Variants in GRB10 observed in about 807,000 individuals in gnomAD.
GRB10 encodes the protein growth factor receptor-bound protein 10.
A neutral mutation model predicts 80.9 loss-of-function variants in GRB10; 20 were observed. The ratio of observed to expected loss-of-function variants is 0.25; its 90% CI spans 0.17 to 0.36. The LOEUF (loss-of-function observed/expected upper bound fraction) is 0.36, where lower values mean the gene tolerates loss of function less well. GRB10 is among the 10% of genes least tolerant of loss of function. The pLI is 1.00. For missense variants in GRB10, 548 were observed against 747.7 expected, an observed-to-expected ratio of 0.73 and a Z score of 3.12; for synonymous variants, 291 against 291.5, an observed-to-expected ratio of 1.00 and a Z score of 0.02.
intron 3 of GRB10, among the ~76,000 whole-genome samples, chr7:50,749,130 G>GTTTTTTTTTTT (rs71018483): frequency 1.4e-5 from 2 of 139,542 alleles, no homozygotes; most frequent in South Asian, 2.2e-4. Context: ...TTGTTTTTTT[G>GTTTTTTTTTTT]TTTGTTTTTT....
At chr7:50,685,185 G>C (rs919003810) in intron 5 of GRB10, among the ~76,000 whole-genome samples, 1 of 152,144 alleles carries the variant, frequency 6.6e-6, no homozygotes, top group Admixed American at 6.5e-5. Flanking sequence ...AATATTTGCT[G>C]AACACTAACT....
chr7:50,710,225 A>G (rs2065682820), intron 4 of GRB10, among the ~76,000 whole-genome samples: 1 of 151,986 alleles, frequency 6.6e-6, no homozygotes, highest in Non-Finnish European at 1.5e-5. Flanking sequence ...TCCTTGACTC[A>G]TCCTCACAAC....
intron 4 of GRB10, among the ~76,000 whole-genome samples, chr7:50,722,987 C>A (rs962452160): frequency 5.3e-5 from 8 of 152,132 alleles, no homozygotes; most frequent in African/African-American, 1.9e-4. Flanking sequence ...TATAAGTACC[C>A]TGCAAATGCC....
At position 50,604,298 on chromosome 7, in the gene GRB10, G is replaced by A. The variant is rs1437443739; in HGVS notation, c.1456+13C>T. ...TTTATGTACAAAAACATCAGGCAAT[G>A]TGCCCTGTTTACCTGTACTTAGGGT... On this transcript the variant is annotated intron_variant, in intron 16 of 18. Coordinates refer to ENST00000401949, the MANE Select transcript of GRB10 (RefSeq NM_001350814.2). The A allele has an allele frequency of 1.9e-6, 3 of 1,600,810 alleles. No homozygotes were observed. The Admixed American group carries it at 5.0e-5, about 27-fold the overall frequency.
intron 8 of GRB10, among the ~76,000 whole-genome samples, chr7:50,626,161 GT>G (rs1440130738): frequency 6.6e-6 from 1 of 152,064 alleles, no homozygotes; most frequent in Non-Finnish European, 1.5e-5. Flanking sequence ...ACCTCAATAC[GT>G]TCTGTAAAGA....
chr7:50,626,694 AC>A (rs1183030223), intron 8 of GRB10, 127 bp downstream of exon 8: 3 of 1,020,100 alleles, frequency 2.9e-6, no homozygotes, highest in Non-Finnish European at 4.6e-6. Flanking sequence ...GTCGAGGGGA[AC>A]CCAGAGACTG....
intron 5 of GRB10, among the ~76,000 whole-genome samples, chr7:50,690,868 G>A (rs2062738645): frequency 6.6e-6 from 1 of 152,186 alleles, no homozygotes; most frequent in Non-Finnish European, 1.5e-5. Context: ...AAAGAGTGGC[G>A]TGAACTGTCA....
chr7:50,700,342 C>A (rs1002438861), intron 5 of GRB10, among the ~76,000 whole-genome samples: 2 of 151,816 alleles, frequency 1.3e-5, no homozygotes, highest in South Asian at 4.2e-4. Context: ...TCCATTTTTT[C>A]GTTCACAGTT....
intron 3 of GRB10, among the ~76,000 whole-genome samples, chr7:50,753,702 T>G (rs2074545411): frequency 1.3e-5 from 2 of 152,150 alleles, no homozygotes; most frequent in Non-Finnish European, 2.9e-5. Flanking sequence ...AAGCTGCCAG[T>G]GATCATCAGA....
At chr7:50,693,750 G>T (rs761526641) in intron 5 of GRB10, among the ~76,000 whole-genome samples, 1 of 152,076 alleles carries the variant, frequency 6.6e-6, no homozygotes, top group African/African-American at 2.4e-5. Flanking sequence ...GCAGGCATGG[G>T]ATTGGGGCGC....
chr7:50,660,083 G>A (rs1207538174), intron 7 of GRB10, among the ~76,000 whole-genome samples: 1 of 152,188 alleles, frequency 6.6e-6, no homozygotes, highest in African/African-American at 2.4e-5. Context: ...TCCTGATGAA[G>A]GCAGTGATCA....
chr7:50,660,301 G>A (rs922137438), intron 7 of GRB10, among the ~76,000 whole-genome samples: 1 of 152,216 alleles, frequency 6.6e-6, no homozygotes, highest in East Asian at 1.9e-4. Flanking sequence ...CCACAGAAGT[G>A]GGGGGTGCAG....
chr7:50,772,356 T>C (rs1428653602), intron 2 of GRB10, among the ~76,000 whole-genome samples: 4 of 152,226 alleles, frequency 2.6e-5, no homozygotes, highest in African/African-American at 9.6e-5. Context: ...TAGACCACAT[T>C]CTCGATGCAA....
intron 7 of GRB10, among the ~76,000 whole-genome samples, chr7:50,647,076 T>A (rs2057308549): frequency 6.6e-6 from 1 of 152,244 alleles, no homozygotes; most frequent in African/African-American, 2.4e-5. Context: ...AAAGCTCATT[T>A]AGGCATGAAG....
In GRB10 at chr7:50,590,332, C is replaced by T. The variant is rs1427625733; in HGVS notation, c.*2620G>A. 1 of 152,224 alleles carries T rather than the reference C, an allele frequency of 6.6e-6. No individual in the cohort carries two copies. The highest frequency in any genetic ancestry group is 1.5e-5 in the Non-Finnish European group (1 of 68,044). 9.4% of individuals were successfully genotyped at this position (152,224 alleles called of 1,614,324 possible). On this transcript the variant is annotated 3_prime_UTR_variant, in exon 19 of 19. Transcript: ENST00000401949. ...CAAATCTACCGCCAGCTTGCCCGCC[C>T]CCAGAAAGGCGCAGAGATCGGTCAT...
At position 50,703,872 on chromosome 7, in the gene GRB10, G is replaced by A. The variant is rs760413552; in HGVS notation, c.88C>T (p.Pro30Ser). The A allele has an allele frequency of 6.2e-7, 1 of 1,613,356 alleles. No individual in the cohort carries two copies. The highest frequency in any genetic ancestry group is 1.1e-5 in the South Asian group (1 of 91,032). Reference protein sequence around the residue: ...VEQTPRSQQDPAGPGLPAQSD... With the variant: ...VEQTPRSQQDSAGPGLPAQSD... Reference sequence around the variant, plus strand: ...TGTGCGGGGAGTCCTGGTCCTGCCGGGTCTTGTTGACTGCGAGGTGTCTGC... The same window carrying A: ...TGTGCGGGGAGTCCTGGTCCTGCCGAGTCTTGTTGACTGCGAGGTGTCTGC... The change falls in exon 5 of 19, where the codon CCG (proline) becomes TCG (serine). Residue 30 changes from proline to serine, a missense_variant. Around this residue, in one of 4 missense-constraint regions of GRB10, gnomAD observed 245 missense variants for 229.3 expected, o/e 1.07. Transcript: ENST00000401949.
In GRB10 at chr7:50,601,298, T is replaced by C. The variant is rs546986846; in HGVS notation, c.1544+2700A>G. ...AGGACAGGGCATGTGCCTTATTTCA[T>C]AGATCTGACTTTGGAACCATGAAAA... On this transcript the variant is annotated intron_variant, in intron 17 of 18. Transcript: ENST00000401949. Among the ~76,000 whole-genome samples, 11 of 152,366 alleles carry C rather than the reference T, an allele frequency of 7.2e-5. No homozygotes were observed. The South Asian group carries it at 2.3e-3, about 32-fold the overall frequency.
chr7:50,676,249 T>TCTGGGCC (rs1330509615), intron 5 of GRB10, among the ~76,000 whole-genome samples: 29 of 149,810 alleles, frequency 1.9e-4, no homozygotes, highest in African/African-American at 6.8e-4. Flanking sequence ...TCCTAGTAGC[T>TCTGGGCC]CTGGGCCCAG....
chr7:50,728,610 G>A (rs754720822), intron 4 of GRB10, among the ~76,000 whole-genome samples: 1 of 152,162 alleles, frequency 6.6e-6, no homozygotes, highest in Non-Finnish European at 1.5e-5. Flanking sequence ...ACCCAACTCT[G>A]CTGATGGGGC....
Sources: gnomAD v4.1 joint callset for allele counts (sites outside exome capture counted in the v4.1 genomes callset) on GRCh38, gnomAD v4.1.1 for gene constraint, gnomAD v4.1.1 regional missense constraint, MANE v1.5 for transcripts, NCBI Gene and HGNC (gene_info 2026-07-23, HGNC 2026-07-21) for gene names.